Variants in CISD2 observed in about 807,000 individuals in gnomAD.
CISD2 encodes the protein CDGSH iron-sulfur domain-containing protein 2.
CISD2 carries 1 observed loss-of-function variant against 12.9 expected under a neutral mutation model. That is an observed-to-expected ratio of 0.08 (90% confidence interval 0.03 to 0.37). The LOEUF is 0.37. Among genes scored for constraint, CISD2 ranks in the 10% least tolerant of loss-of-function variants. The pLI is 0.99. For missense variants in CISD2, 97 were observed against 163.1 expected, an observed-to-expected ratio of 0.59 and a Z score of 2.21; for synonymous variants, 50 against 60.6, an observed-to-expected ratio of 0.83 and a Z score of 0.81.
At chr4:102,873,724 G>C (rs1292435553) in intron 1 of CISD2, among the ~76,000 whole-genome samples, 1 of 95,826 alleles carries the variant, frequency 1.0e-5, no homozygotes, top group South Asian at 3.4e-4. Context: ...GAGCGAAACC[G>C]TCTCAAAAAA....
chr4:102,887,333 C>G lies in CISD2; in HGVS notation c.319-8C>G, dbSNP rs1289144538. ...AAAATAACACTTGTAATTCTTTTTT[C>G]TTTTTAGTTTCCTGCCTGCGATGGT... is the stretch of plus-strand genomic sequence containing the variant. On this transcript the variant is annotated splice_polypyrimidine_tract_variant and splice_region_variant and intron_variant, in intron 2 of 2. Coordinates refer to ENST00000273986, the MANE Select transcript of CISD2 (RefSeq NM_001008388.5). 1.2e-5 allele frequency: 14 copies of G among 1,205,752 alleles called. No individual in the cohort carries two copies. Among genetic ancestry groups the G allele is most frequent in the Non-Finnish European group, 1.7e-5 (14 of 814,684 alleles). The allele number at this position is 1,205,752 out of a possible 1,614,324, so 74.7% of individuals were successfully genotyped here. A position where few individuals can be genotyped will look rare whatever the true frequency, so the allele number is the denominator to read the frequency against.
At chr4:102,877,885 G>T (rs1733627619) in intron 1 of CISD2, among the ~76,000 whole-genome samples, 2 of 152,182 alleles carry the variant, frequency 1.3e-5, no homozygotes. Context: ...TTTAGCCATG[G>T]CTGGGACACA....
Position 102,889,630 on chromosome 4 carries a change from G to T in CISD2, c.*2200G>T, listed in dbSNP as rs1734135119. 7.5e-6 allele frequency: 1 copy of T among 133,290 alleles called. No homozygotes were observed. The highest frequency in any genetic ancestry group is 1.7e-5 in the Non-Finnish European group (1 of 60,440). 8.3% of individuals were successfully genotyped at this position (133,290 alleles called of 1,614,324 possible). On this transcript the variant is annotated 3_prime_UTR_variant, in exon 3 of 3. Transcript: ENST00000273986. Reference sequence around the variant, plus strand: ...AAGATGGTTGTACTCTCAGAATAAAGACTTTTTCCCTGCCACATTTTCAGT... The same window carrying T: ...AAGATGGTTGTACTCTCAGAATAAATACTTTTTCCCTGCCACATTTTCAGT...
At position 102,890,896 on chromosome 4, in the gene CISD2, A is replaced by T. The variant is rs747723156; in HGVS notation, c.*3466A>T. 4.0e-5 allele frequency: 6 copies of T among 148,972 alleles called. No individual in the cohort carries two copies. The highest frequency in any genetic ancestry group is 8.9e-5 in the Non-Finnish European group (6 of 67,736). The allele number at this position is 148,972 out of a possible 1,614,324, so 9.2% of individuals were successfully genotyped here. ...TCTAATCAAATTTATTGTGGCAGAA[A>T]TCAGTACGAAGTTCGTAGGACAGGA... On this transcript the variant is annotated 3_prime_UTR_variant, in exon 3 of 3. Coordinates refer to ENST00000273986, the MANE Select transcript of CISD2 (RefSeq NM_001008388.5).
chr4:102,876,894 C>A (rs1375945800), intron 1 of CISD2, among the ~76,000 whole-genome samples: 1 of 152,164 alleles, frequency 6.6e-6, no homozygotes, highest in Non-Finnish European at 1.5e-5. Flanking sequence ...CACAAGGAGG[C>A]TGGAGAGAGA....
intron 1 of CISD2, chr4:102,869,578 G>C: frequency 1.4e-6 from 1 of 698,046 alleles, no homozygotes; most frequent in South Asian, 1.5e-5. Context: ...GTAACAGGCA[G>C]CCCCAGCTAC....
At chr4:102,885,057 A>T in intron 1 of CISD2, 159 bp from the exon 2 acceptor site, 2 of 647,502 alleles carry the variant, frequency 3.1e-6, no homozygotes, top group South Asian at 3.4e-5. Context: ...TCTTTGGTAG[A>T]GCTGGCTTTA....
In CISD2 at chr4:102,886,290, C is replaced by T. The variant is rs1733910161; in HGVS notation, c.318+860C>T. On this transcript the variant is annotated intron_variant, in intron 2 of 2. Coordinates refer to ENST00000273986, the MANE Select transcript of CISD2 (RefSeq NM_001008388.5). Reference sequence around the variant, plus strand: ...GATCACCAGGTCAGGGGTTCAAGAACAGCCTGACCAACATGGTGAAACCCC... The same window carrying T: ...GATCACCAGGTCAGGGGTTCAAGAATAGCCTGACCAACATGGTGAAACCCC... 2.6e-5 allele frequency among the ~76,000 whole-genome samples: 4 copies of T among 151,976 alleles called. No homozygotes were observed. The South Asian group carries it at 8.3e-4, about 32-fold the overall frequency.
chr4:102,882,872 A>T (rs1459836469), intron 1 of CISD2: 1 of 152,078 alleles, frequency 6.6e-6, no homozygotes, highest in African/African-American at 2.4e-5. Context: ...TCAGCCTCCC[A>T]GGTAGCTGGA....
chr4:102,882,386 TAGTC>T (rs1230338771), intron 1 of CISD2, among the ~76,000 whole-genome samples: 1 of 152,138 alleles, frequency 6.6e-6, no homozygotes, highest in Non-Finnish European at 1.5e-5. Context: ...CTAAGATAAT[TAGTC>T]AGATAAAACA....
intron 1 of CISD2, among the ~76,000 whole-genome samples, chr4:102,879,560 A>G (rs1733667944): frequency 6.6e-6 from 1 of 152,112 alleles, no homozygotes; most frequent in Admixed American, 6.5e-5. Context: ...AGGCAGGCAG[A>G]TGGGAGTTTG....
intron 1 of CISD2, among the ~76,000 whole-genome samples, chr4:102,878,438 C>A (rs760330458): frequency 3.3e-5 from 5 of 152,160 alleles, no homozygotes; most frequent in African/African-American, 4.8e-5. Context: ...CTGGGTTTTT[C>A]TTTTCTGTTG....
In CISD2 at chr4:102,892,044, A is replaced by C. The variant is rs1734272103; in HGVS notation, c.*4614A>C. 6.6e-6 allele frequency: 1 copy of C among 152,188 alleles called. No individual in the cohort carries two copies. Among genetic ancestry groups the C allele is most frequent in the African/African-American group, 2.4e-5 (1 of 41,444 alleles). The allele number at this position is 152,188 out of a possible 1,614,324, so 9.4% of individuals were successfully genotyped here. A position where few individuals can be genotyped will look rare whatever the true frequency, so the allele number is the denominator to read the frequency against. On this transcript the variant is annotated 3_prime_UTR_variant, in exon 3 of 3. Coordinates refer to ENST00000273986, the MANE Select transcript of CISD2 (RefSeq NM_001008388.5). ...TTGCTATATTTGATCATGTTCAGCA[A>C]GTAAACTAATTTTATCTACTTTCAT...
At position 102,874,126 on chromosome 4, in the gene CISD2, C is replaced by CAA. The variant is rs35847709; in HGVS notation, c.103+4953_103+4954dup. On this transcript the variant is annotated intron_variant, in intron 1 of 2. Coordinates refer to ENST00000273986, the MANE Select transcript of CISD2 (RefSeq NM_001008388.5). The stretch of plus-strand genomic sequence containing the variant: ...GGGCAACAGAGTAAGACTCTGTCTT[C>CAA]AAAAAAAAAAAAAAATTGGCAAAAC... Among the ~76,000 whole-genome samples the CAA allele has an allele frequency of 6.6e-3, 874 of 133,130 alleles. 5 individuals carry two copies. The highest frequency in any genetic ancestry group is 0.02 in the African/African-American group (734 of 37,524). The allele number at this position is 133,130 out of a possible 152,430, so 87.3% of individuals were successfully genotyped here.
chr4:102,884,942 T>C (rs2110399796), intron 1 of CISD2: 1 of 389,718 alleles, frequency 2.6e-6, no homozygotes, highest in East Asian at 5.7e-5. Flanking sequence ...CAAACACAAA[T>C]AGACTTGATG....
intron 1 of CISD2, among the ~76,000 whole-genome samples, chr4:102,884,441 A>G (rs889284128): frequency 5.9e-5 from 9 of 152,226 alleles, no homozygotes; most frequent in Non-Finnish European, 1.2e-4. Context: ...TGGTAATTCT[A>G]TAAGAACAGA....
intron 1 of CISD2, among the ~76,000 whole-genome samples, chr4:102,884,304 A>G (rs1357754696): frequency 6.6e-6 from 1 of 152,178 alleles, no homozygotes; most frequent in Admixed American, 6.5e-5. Flanking sequence ...TAACCTGTTC[A>G]TTTATCTTTA....
In CISD2 at chr4:102,890,840, T is replaced by TAAAA. The variant is rs199492699; in HGVS notation, c.*3420_*3423dup. ...GGGCAACAGAAGTGAAACCCTATCT[T>TAAAA]AAAAAAAAAAAAAGTCTTTTTTTTT... On this transcript the variant is annotated 3_prime_UTR_variant, in exon 3 of 3. Coordinates refer to ENST00000273986, the MANE Select transcript of CISD2 (RefSeq NM_001008388.5). 3.0e-4 allele frequency: 23 copies of TAAAA among 76,230 alleles called. 1 individual carries two copies. Among genetic ancestry groups the TAAAA allele is most frequent in the African/African-American group, 4.3e-4 (5 of 11,584 alleles). 4.7% of individuals were successfully genotyped at this position (76,230 alleles called of 1,614,324 possible).
At chr4:102,876,048 T>C (rs1733584525) in intron 1 of CISD2, among the ~76,000 whole-genome samples, 1 of 152,224 alleles carries the variant, frequency 6.6e-6, no homozygotes, top group Non-Finnish European at 1.5e-5. Context: ...TTTATTTCCT[T>C]TATAACAGTT....
Sources: gnomAD v4.1 joint callset for allele counts (sites outside exome capture counted in the v4.1 genomes callset) on GRCh38, gnomAD v4.1.1 for gene constraint, MANE v1.5 for transcripts, NCBI Gene and HGNC (gene_info 2026-07-23, HGNC 2026-07-21) for gene names.